Variants in OPCML observed in about 807,000 individuals in gnomAD.
OPCML encodes the protein opioid-binding protein/cell adhesion molecule.
Under a neutral mutation model 37.8 loss-of-function variants are expected in OPCML, and 13 were observed. The ratio of observed to expected loss-of-function variants is 0.34; its 90% CI spans 0.22 to 0.55. OPCML has a LOEUF of 0.55. Among genes scored for constraint, OPCML ranks in the 20% least tolerant of loss-of-function variants. The pLI is 0.91. For synonymous variants in OPCML, 176 were observed against 168.8 expected, an observed-to-expected ratio of 1.04 and a Z score of -0.33; for missense variants, 341 against 435.6, an observed-to-expected ratio of 0.78 and a Z score of 1.93.
intron 1 of OPCML, among the ~76,000 whole-genome samples, chr11:133,059,187 T>C (rs1244644762): frequency 1.3e-5 from 2 of 152,200 alleles, no homozygotes; most frequent in African/African-American, 2.4e-5. Flanking sequence ...TCTAGAATTG[T>C]ATTGCCACCT....
At chr11:133,306,433 G>A (rs185873275) in intron 1 of OPCML, among the ~76,000 whole-genome samples, 31 of 152,012 alleles carry the variant, frequency 2.0e-4, no homozygotes, top group East Asian at 3.9e-4. Context: ...GATTTGACGC[G>A]GTCACTCTAA....
At chr11:132,784,191 T>A (rs1440035440) in intron 2 of OPCML, among the ~76,000 whole-genome samples, 2 of 152,132 alleles carry the variant, frequency 1.3e-5, no homozygotes, top group African/African-American at 4.8e-5. Flanking sequence ...TTGTAGGAAG[T>A]CAGACTGCTA....
At chr11:132,503,792 G>T (rs1466509680) in intron 4 of OPCML, among the ~76,000 whole-genome samples, 1 of 151,904 alleles carries the variant, frequency 6.6e-6, no homozygotes, top group Non-Finnish European at 1.5e-5. Context: ...CAGAAAAAAT[G>T]AAGGAATACA....
chr11:133,286,887 G>T (rs1942314398), intron 1 of OPCML, among the ~76,000 whole-genome samples: 1 of 152,218 alleles, frequency 6.6e-6, no homozygotes, highest in Non-Finnish European at 1.5e-5. Flanking sequence ...CTGAGGCACT[G>T]TGCAGAGGAA....
chr11:132,849,610 A>G (rs1220585973), intron 2 of OPCML, among the ~76,000 whole-genome samples: 2 of 152,238 alleles, frequency 1.3e-5, no homozygotes, highest in Non-Finnish European at 2.9e-5. Flanking sequence ...CTCCCATATA[A>G]GAAGATCACC....
intron 1 of OPCML, among the ~76,000 whole-genome samples, chr11:132,975,378 C>T (rs1946435547): frequency 6.7e-6 from 1 of 150,190 alleles, no homozygotes; most frequent in Non-Finnish European, 1.5e-5. Flanking sequence ...GGAAAAAATG[C>T]CAGGCAGAGA....
At chr11:133,275,841 T>C (rs181996664) in intron 1 of OPCML, among the ~76,000 whole-genome samples, 217 of 152,300 alleles carry the variant, frequency 1.4e-3, no homozygotes, top group Non-Finnish European at 2.2e-3. Flanking sequence ...TCTCCTTCCT[T>C]GACTCAAACC....
At chr11:132,951,205 G>A (rs1280425170) in intron 1 of OPCML, among the ~76,000 whole-genome samples, 3 of 152,198 alleles carry the variant, frequency 2.0e-5, no homozygotes, top group African/African-American at 2.4e-5. Flanking sequence ...GAGTACTTGT[G>A]AGTGTATGTC....
intron 1 of OPCML, among the ~76,000 whole-genome samples, chr11:133,185,460 T>A (rs545642741): frequency 6.6e-6 from 1 of 152,282 alleles, no homozygotes; most frequent in African/African-American, 2.4e-5. Context: ...GCAGGGAAGG[T>A]AGACAGCCGT....
At chr11:132,484,326 A>G (rs2096191975) in intron 4 of OPCML, among the ~76,000 whole-genome samples, 1 of 152,238 alleles carries the variant, frequency 6.6e-6, no homozygotes, top group Non-Finnish European at 1.5e-5. Context: ...AATGCTCACC[A>G]TCACTGGCCA....
intron 1 of OPCML, among the ~76,000 whole-genome samples, chr11:133,112,098 T>C (rs1009850665): frequency 3.9e-5 from 6 of 152,118 alleles, no homozygotes; most frequent in African/African-American, 1.4e-4. Flanking sequence ...AATGCATTTA[T>C]GTACTTTTAT....
intron 1 of OPCML, chr11:133,065,115 C>A: frequency 6.6e-6 from 1 of 152,504 alleles, no homozygotes; most frequent in Non-Finnish European, 1.5e-5. Context: ...CCAGGACCCC[C>A]GAGAGAGCCG....
At chr11:133,204,884 A>ATATATGTG (rs1555114210) in intron 1 of OPCML, among the ~76,000 whole-genome samples, 2 of 36,286 alleles carry the variant, frequency 5.5e-5, no homozygotes, top group Non-Finnish European at 1.5e-4. Flanking sequence ...ATATATATAT[A>ATATATGTG]TATATATATA....
At position 133,041,591 on chromosome 11, in the gene OPCML, C is replaced by T. The variant is rs570849829; in HGVS notation, c.62-98581G>A. Among the ~76,000 whole-genome samples, 23 of 152,272 alleles carry T rather than the reference C, an allele frequency of 1.5e-4. No homozygotes were observed. In the South Asian group the frequency reaches 2.9e-3, roughly 19 times the overall value. On this transcript the variant is annotated intron_variant, in intron 1 of 7. Transcript: ENST00000524381. ...GCCTGGCCTCTTCTGGCAACTGCGT[C>T]GCATATACCCTTTGCTCTTAACTCT...
intron 1 of OPCML, chr11:133,420,411 A>G (rs1173471529): frequency 3.0e-6 from 3 of 985,320 alleles, no homozygotes; most frequent in Middle Eastern, 5.2e-4. Context: ...TCTTTGTTCA[A>G]TGCAGTATAT....
At chr11:132,637,437 T>C (rs1464277570) in intron 3 of OPCML, among the ~76,000 whole-genome samples, 1 of 152,140 alleles carries the variant, frequency 6.6e-6, no homozygotes, top group African/African-American at 2.4e-5. Context: ...CATCTTTCAG[T>C]GGCCACAGTT....
intron 4 of OPCML, among the ~76,000 whole-genome samples, chr11:132,475,381 G>A (rs1198515759): frequency 2.6e-5 from 4 of 152,164 alleles, no homozygotes; most frequent in African/African-American, 4.8e-5. Context: ...CTTGCTATGG[G>A]CTGAACTGTA....
intron 4 of OPCML, among the ~76,000 whole-genome samples, chr11:132,510,022 C>T (rs550159520): frequency 9.2e-5 from 14 of 152,158 alleles, no homozygotes; most frequent in Non-Finnish European, 1.6e-4. Flanking sequence ...ACCCTGTAAA[C>T]CCACAGAGGC....
intron 1 of OPCML, among the ~76,000 whole-genome samples, chr11:133,348,979 C>T (rs187593324): frequency 1.2e-3 from 187 of 152,294 alleles, no homozygotes; most frequent in African/African-American, 4.3e-3. Flanking sequence ...GTGATCTAAG[C>T]TGTGTGTCAT....
Sources: allele counts gnomAD v4.1 joint callset (sites outside exome capture counted in the v4.1 genomes callset), GRCh38; gene constraint gnomAD v4.1.1; transcripts MANE v1.5; gene names NCBI Gene and HGNC (gene_info 2026-07-23, HGNC 2026-07-21).